METTL15: variants seen among roughly 807,000 people sequenced by gnomAD.
METTL15 encodes the protein 12S rRNA N(4)-cytidine methyltransferase METTL15.
METTL15 carries 34 observed loss-of-function variants against 38.3 expected under a neutral mutation model. That is an observed-to-expected ratio of 0.89 (90% CI 0.68 to 1.18). The LOEUF (loss-of-function observed/expected upper bound fraction) is 1.18, where lower values mean the gene tolerates loss of function less well. Ranked by LOEUF, METTL15 falls within the 50% of genes most tolerant of loss-of-function variation. The pLI is 0.00. For synonymous variants in METTL15, 162 were observed against 170.9 expected (o/e 0.95, Z 0.41); for missense variants, 438 against 498.4 (o/e 0.88, Z 1.15).
chr11:28,316,459 G>C (rs1305752661), intron 6 of METTL15, among the ~76,000 whole-genome samples: 1 of 152,160 alleles, frequency 6.6e-6, no homozygotes, highest in Non-Finnish European at 1.5e-5. Flanking sequence ...TGATTTTACA[G>C]TCTCATAAAC....
downstream of METTL15, among the ~76,000 whole-genome samples, chr11:28,335,335 G>A (rs187714546): frequency 7.2e-4 from 109 of 151,916 alleles, no homozygotes; most frequent in African/African-American, 2.4e-3. Context: ...TTTGAATTCC[G>A]GATCTACATG....
At chr11:28,143,896 C>A (rs1590803904) in intron 3 of METTL15, among the ~76,000 whole-genome samples, 1 of 152,162 alleles carries the variant, frequency 6.6e-6, no homozygotes, top group East Asian at 1.9e-4. Flanking sequence ...ACTGGAACTT[C>A]TGAGCTAACT....
chr11:28,163,799 C>G (rs1722556443), intron 3 of METTL15: 1 of 189,922 alleles, frequency 5.3e-6, no homozygotes, highest in East Asian at 1.2e-4. Context: ...TTTCTTTGAT[C>G]ATTAAAGTAG....
At chr11:28,380,438 G>A (rs1850370394) in intron 5 of METTL15, among the ~76,000 whole-genome samples, 1 of 152,030 alleles carries the variant, frequency 6.6e-6, no homozygotes, top group Admixed American at 6.6e-5. Flanking sequence ...AACACTTTAT[G>A]CCTTTTAATT....
chr11:28,252,439 G>C (rs1854784217), intron 4 of METTL15, among the ~76,000 whole-genome samples: 2 of 152,010 alleles, frequency 1.3e-5, no homozygotes, highest in African/African-American at 4.8e-5. Context: ...TACCTACCTA[G>C]TTCACAGATA....
chr11:28,512,612 G>T (rs1487969717), intron 6 of METTL15, among the ~76,000 whole-genome samples: 3 of 152,186 alleles, frequency 2.0e-5, no homozygotes, highest in Non-Finnish European at 4.4e-5. Flanking sequence ...GGCAGGGCTG[G>T]CCGGCCACTC....
intron 3 of METTL15, among the ~76,000 whole-genome samples, chr11:28,166,299 G>T (rs906464322): frequency 5.3e-5 from 8 of 152,192 alleles, no homozygotes; most frequent in Non-Finnish European, 1.2e-4. Context: ...TCTTTATGCT[G>T]ATTATCTAAT....
At chr11:28,303,451 G>T (rs1016104867) in intron 6 of METTL15, among the ~76,000 whole-genome samples, 3 of 151,948 alleles carry the variant, frequency 2.0e-5, no homozygotes, top group Non-Finnish European at 4.4e-5. Flanking sequence ...TTGAGATTTA[G>T]GTTAAATAAA....
intron 4 of METTL15, among the ~76,000 whole-genome samples, chr11:28,237,327 C>T (rs1057055387): frequency 6.6e-6 from 1 of 152,094 alleles, no homozygotes; most frequent in Non-Finnish European, 1.5e-5. Flanking sequence ...CTCTAAACTT[C>T]CCTTCTCGCT....
At chr11:28,133,933 C>T (rs1849425277) in intron 3 of METTL15, among the ~76,000 whole-genome samples, 1 of 152,102 alleles carries the variant, frequency 6.6e-6, no homozygotes, top group Non-Finnish European at 1.5e-5. Flanking sequence ...GTAATATACA[C>T]AGAAATAAAG....
chr11:28,456,337 G>A (rs1189771474), intron 6 of METTL15, among the ~76,000 whole-genome samples: 2 of 152,090 alleles, frequency 1.3e-5, no homozygotes, highest in East Asian at 3.9e-4. Context: ...TGCTTGGTCA[G>A]AAGCAACACT....
downstream of METTL15, among the ~76,000 whole-genome samples, chr11:28,528,797 T>C (rs998665449): frequency 6.6e-6 from 1 of 152,222 alleles, no homozygotes; most frequent in Admixed American, 6.5e-5. Flanking sequence ...TTGGCTTAAC[T>C]GAGCACTCTT....
intron 6 of METTL15, among the ~76,000 whole-genome samples, chr11:28,460,895 G>A (rs1250170085): frequency 1.3e-5 from 2 of 152,062 alleles, no homozygotes; most frequent in Non-Finnish European, 2.9e-5. Flanking sequence ...GGATAACTTG[G>A]AAAAGTTCAC....
At chr11:28,415,309 T>A (rs1022387784) in intron 5 of METTL15, among the ~76,000 whole-genome samples, 1 of 152,148 alleles carries the variant, frequency 6.6e-6, no homozygotes, top group Non-Finnish European at 1.5e-5. Flanking sequence ...TAGATTTGGT[T>A]ATCTAGGGGG....
intron 5 of METTL15, among the ~76,000 whole-genome samples, chr11:28,293,500 G>T (rs1856606674): frequency 2.6e-5 from 4 of 152,190 alleles, no homozygotes; most frequent in African/African-American, 7.2e-5. Flanking sequence ...GATGCCTCCA[G>T]CTTTGTTCTT....
intron 5 of METTL15, among the ~76,000 whole-genome samples, chr11:28,402,631 T>A (rs1352220397): frequency 1.3e-5 from 2 of 151,918 alleles, no homozygotes; most frequent in African/African-American, 4.8e-5. Context: ...ATACTTAACT[T>A]TTTTTAATTT....
intron 6 of METTL15, among the ~76,000 whole-genome samples, chr11:28,513,256 G>C (rs1026749063): frequency 6.6e-6 from 1 of 152,152 alleles, no homozygotes; most frequent in South Asian, 2.1e-4. Context: ...TCCTCTAACT[G>C]GTTTATTTTT....
chr11:28,477,079 G>T (rs1419092640), intron 6 of METTL15, among the ~76,000 whole-genome samples: 1 of 152,190 alleles, frequency 6.6e-6, no homozygotes, highest in Non-Finnish European at 1.5e-5. Flanking sequence ...ATGGGAGTCT[G>T]CCTGTGACTA....
intron 6 of METTL15, chr11:28,517,084 G>A (rs1372137101): frequency 6.6e-6 from 1 of 152,174 alleles, no homozygotes; most frequent in East Asian, 1.9e-4. Context: ...TTGCAAATGG[G>A]ACAGACTCAG....
Sources: allele counts gnomAD v4.1 joint callset (sites outside exome capture counted in the v4.1 genomes callset), GRCh38; gene constraint gnomAD v4.1.1; transcripts MANE v1.5; gene names NCBI Gene and HGNC (gene_info 2026-07-23, HGNC 2026-07-21).